The following ADCY2 variants were observed in gnomAD, a reference collection of about 807,000 sequenced individuals.
The protein encoded by ADCY2 is adenylate cyclase type 2.
In ADCY2, 31 loss-of-function variants were observed where a neutral mutation model predicts 125.2. That is an observed-to-expected ratio of 0.25 (90% CI 0.19 to 0.33). ADCY2 has a LOEUF of 0.33. Among genes scored for constraint, ADCY2 ranks in the 10% least tolerant of loss-of-function variants. The pLI, the probability that ADCY2 is intolerant of heterozygous loss-of-function variation, is 1.00. For synonymous variants in ADCY2, 512 were observed against 548.4 expected, an observed-to-expected ratio of 0.93 and a Z score of 0.93; for missense variants, 904 against 1,418.2, an observed-to-expected ratio of 0.64 and a Z score of 5.82.
intron 3 of ADCY2, among the ~76,000 whole-genome samples, chr5:7,574,221 A>G (rs958038396): frequency 7.1e-6 from 1 of 140,698 alleles, no homozygotes; most frequent in Non-Finnish European, 1.6e-5. Flanking sequence ...CAGTAAACAT[A>G]CGTGTGCATG....
intron 14 of ADCY2, among the ~76,000 whole-genome samples, chr5:7,733,935 G>A (rs1228373399): frequency 1.3e-5 from 2 of 152,200 alleles, no homozygotes; most frequent in African/African-American, 4.8e-5. Flanking sequence ...AAAGGCTACT[G>A]TAATGGTGAT....
At chr5:7,598,470 T>C (rs1048557989) in intron 3 of ADCY2, among the ~76,000 whole-genome samples, 2 of 152,232 alleles carry the variant, frequency 1.3e-5, no homozygotes, top group African/African-American at 4.8e-5. Flanking sequence ...TGGAGGTTAA[T>C]TGCAATGCAC....
intron 15 of ADCY2, among the ~76,000 whole-genome samples, chr5:7,755,482 G>A (rs1742964865): frequency 6.6e-6 from 1 of 152,090 alleles, no homozygotes; most frequent in Admixed American, 6.6e-5. Context: ...AAGGAAATAG[G>A]ATTTTGGTCA....
intron 2 of ADCY2, among the ~76,000 whole-genome samples, chr5:7,514,983 C>G (rs376489855): frequency 2.6e-5 from 4 of 152,292 alleles, no homozygotes; most frequent in East Asian, 3.9e-4. Flanking sequence ...ACATCAGCCT[C>G]AAGAAGCTAA....
chr5:7,821,278 G>T (rs1429886409), intron 24 of ADCY2, among the ~76,000 whole-genome samples: 1 of 151,988 alleles, frequency 6.6e-6, no homozygotes, highest in Non-Finnish European at 1.5e-5. Flanking sequence ...TTATAATCGT[G>T]GTTAAAGTAA....
At chr5:7,411,117 C>T (rs929977811) in intron 1 of ADCY2, among the ~76,000 whole-genome samples, 18 of 152,214 alleles carry the variant, frequency 1.2e-4, no homozygotes, top group African/African-American at 4.3e-4. Flanking sequence ...ATGCAAGGTT[C>T]TCAAAACTCC....
intron 3 of ADCY2, among the ~76,000 whole-genome samples, chr5:7,545,970 C>T (rs1454791109): frequency 1.3e-5 from 2 of 152,142 alleles, no homozygotes; most frequent in African/African-American, 4.8e-5. Context: ...ATTTCTACTT[C>T]CTAATGATCA....
chr5:7,592,126 A>T (rs931976702), intron 3 of ADCY2, among the ~76,000 whole-genome samples: 3 of 152,130 alleles, frequency 2.0e-5, no homozygotes, highest in African/African-American at 7.2e-5. Context: ...CTTTCTTCTT[A>T]TTGCCTTTAG....
chr5:7,797,685 C>T (rs1428559484), intron 20 of ADCY2: 1 of 152,292 alleles, frequency 6.6e-6, no homozygotes, highest in Non-Finnish European at 1.5e-5. Flanking sequence ...AGGCATTAAA[C>T]AGTGTGCAGA....
intron 1 of ADCY2, among the ~76,000 whole-genome samples, chr5:7,402,774 A>G (rs904693285): frequency 7.2e-5 from 11 of 152,234 alleles, no homozygotes; most frequent in Non-Finnish European, 1.6e-4. Context: ...TGCATTTGAA[A>G]CATATAGACA....
chr5:7,420,954 C>T (rs1740180296), intron 2 of ADCY2, among the ~76,000 whole-genome samples: 1 of 152,046 alleles, frequency 6.6e-6, no homozygotes, highest in Non-Finnish European at 1.5e-5. Flanking sequence ...TTTTCTCTGT[C>T]CTGGTGCATC....
chr5:7,829,570 C>T lies in ADCY2; in HGVS notation c.*2699C>T, dbSNP rs1431862417. 2 of 152,440 alleles carry T rather than the reference C, an allele frequency of 1.3e-5. No individual in the cohort carries two copies. The highest frequency in any genetic ancestry group is 2.4e-5 in the African/African-American group (1 of 41,422). 9.4% of individuals were successfully genotyped at this position (152,440 alleles called of 1,614,324 possible). A position where few individuals can be genotyped will look rare whatever the true frequency, so the allele number is the denominator to read the frequency against. On this transcript the variant is annotated 3_prime_UTR_variant, in exon 25 of 25. Transcript: ENST00000338316. ...GCTTCAAGAAAAAAAAAAAATCTCT[C>T]CCCAATGCTCTCCTTAACCTTTAAG...
rs538780693 is a variant in ADCY2 at position 7,783,538 on chromosome 5, TA to T, written c.2385-819del. On this transcript the variant is annotated intron_variant, in intron 18 of 24. Transcript: ENST00000338316. The stretch of plus-strand genomic sequence containing the variant: ...ACCCCCCACAGAGAAGCTGGAAAAA[TA>T]AAAAAAACAAGGACGACACACAAGC... Among the ~76,000 whole-genome samples, 149 of 151,786 alleles carry T rather than the reference TA, an allele frequency of 9.8e-4. 2 individuals are homozygous for T. The highest frequency in any genetic ancestry group is 3.4e-3 in the African/African-American group (140 of 41,356).
intron 2 of ADCY2, among the ~76,000 whole-genome samples, chr5:7,465,334 C>T (rs1470343698): frequency 2.0e-5 from 3 of 152,172 alleles, no homozygotes; most frequent in Non-Finnish European, 4.4e-5. Context: ...TTCTCATGTC[C>T]CATATGGATG....
chr5:7,642,812 A>G (rs952760284), intron 4 of ADCY2, among the ~76,000 whole-genome samples: 3 of 152,096 alleles, frequency 2.0e-5, no homozygotes, highest in Non-Finnish European at 4.4e-5. Flanking sequence ...AACATTCTTA[A>G]AGAAAGAAAT....
intron 4 of ADCY2, among the ~76,000 whole-genome samples, chr5:7,639,947 T>C (rs10052711): frequency 0.056 from 8,579 of 152,214 alleles, 798 homozygotes; most frequent in African/African-American, 0.19. Flanking sequence ...AGTGTAGACA[T>C]GGAATTTTTT....
chr5:7,589,506 G>GAAAGAAAGAAAGAAAGAAAGAAAGAAAGA lies in ADCY2; in HGVS notation c.571-36654_571-36653insGAAAGAAAGAAAGAAAGAAAGAAAAGAAA, dbSNP rs530283052. Among the ~76,000 whole-genome samples the GAAAGAAAGAAAGAAAGAAAGAAAGAAAGA allele has an allele frequency of 2.5e-3, 231 of 93,760 alleles. 2 individuals carry two copies. Among genetic ancestry groups the GAAAGAAAGAAAGAAAGAAAGAAAGAAAGA allele is most frequent in the South Asian group, 5.6e-3 (13 of 2,314 alleles). 61.5% of individuals were successfully genotyped at this position (93,760 alleles called of 152,430 possible). On this transcript the variant is annotated intron_variant, in intron 3 of 24. Transcript: ENST00000338316. ...AGAAAGAAAGAAAGAAAGAAAGAAA[G>GAAAGAAAGAAAGAAAGAAAGAAAGAAAGA]AAAGAAAAGAAAAGAAAGAGAAAGA...
At chr5:7,671,906 T>C (rs1186353871) in intron 4 of ADCY2, among the ~76,000 whole-genome samples, 1 of 152,162 alleles carries the variant, frequency 6.6e-6, no homozygotes, top group Admixed American at 6.5e-5. Context: ...AGGAAAATGA[T>C]GCCCCGGAAG....
chr5:7,616,861 C>T (rs1443732436), intron 3 of ADCY2, among the ~76,000 whole-genome samples: 1 of 151,984 alleles, frequency 6.6e-6, no homozygotes, highest in Non-Finnish European at 1.5e-5. Flanking sequence ...TTAGGGTGGG[C>T]CCTAATGCAA....
Sources: gnomAD v4.1 joint callset for allele counts (sites outside exome capture counted in the v4.1 genomes callset) on GRCh38, gnomAD v4.1.1 for gene constraint, MANE v1.5 for transcripts, NCBI Gene and HGNC (gene_info 2026-07-23, HGNC 2026-07-21) for gene names.